Variants in EVA1C observed in about 807,000 individuals in gnomAD.
The protein encoded by EVA1C is eva-1 homolog C, also known as protein eva-1 homolog C.
A neutral mutation model predicts 45.4 loss-of-function variants in EVA1C; 25 were observed. The ratio of observed to expected loss-of-function variants is 0.55; its 90% CI spans 0.40 to 0.77. The LOEUF (loss-of-function observed/expected upper bound fraction) is 0.77. Ranked by LOEUF, EVA1C falls within the 30% of genes least tolerant of loss-of-function variation. The pLI is 0.00. For synonymous variants in EVA1C, 190 were observed against 221.2 expected (o/e 0.86, Z 1.25); for missense variants, 479 against 554.8 (o/e 0.86, Z 1.37).
At chr21:32,492,442 T>G (rs2037194813) in intron 4 of EVA1C, among the ~76,000 whole-genome samples, 1 of 152,008 alleles carries the variant, frequency 6.6e-6, no homozygotes, top group South Asian at 2.1e-4. Flanking sequence ...AAAGCATAAG[T>G]CTGGAGAGAG....
chr21:32,415,748 A>G (rs2034012248), intron 1 of EVA1C, among the ~76,000 whole-genome samples: 2 of 152,076 alleles, frequency 1.3e-5, no homozygotes, highest in South Asian at 4.2e-4. Flanking sequence ...TCTCATCTCC[A>G]AAGATTTTGA....
chr21:32,471,289 G>A (rs997090331), intron 4 of EVA1C, among the ~76,000 whole-genome samples: 1 of 151,244 alleles, frequency 6.6e-6, no homozygotes, highest in African/African-American at 2.4e-5. Context: ...TCTTCTTTAC[G>A]GGCTCTGTGT....
intron 7 of EVA1C, among the ~76,000 whole-genome samples, chr21:32,509,937 G>A (rs1305034325): frequency 2.6e-5 from 4 of 151,986 alleles, no homozygotes; most frequent in African/African-American, 4.8e-5. Context: ...GAAGTTCTCG[G>A]GAGTTGAACT....
At chr21:32,467,982 C>T (rs1044564220) in intron 4 of EVA1C, 134 bp downstream of exon 4, 39 of 514,556 alleles carry the variant, frequency 7.6e-5, no homozygotes, top group South Asian at 1.9e-4. Context: ...ATCTTGTGAT[C>T]GTGTAAGTTA....
chr21:32,421,665 A>C (rs2146115069), intron 1 of EVA1C, among the ~76,000 whole-genome samples: 1 of 152,296 alleles, frequency 6.6e-6, no homozygotes. Flanking sequence ...TATAGCTAAA[A>C]TGCTGCTGAT....
At chr21:32,490,457 G>A (rs565726873) in intron 4 of EVA1C, among the ~76,000 whole-genome samples, 1 of 152,214 alleles carries the variant, frequency 6.6e-6, no homozygotes, top group East Asian at 1.9e-4. Flanking sequence ...AGCAGGCAGG[G>A]AGTGATGAGA....
At chr21:32,435,490 A>T (rs372956972) in intron 1 of EVA1C, among the ~76,000 whole-genome samples, 34 of 152,286 alleles carry the variant, frequency 2.2e-4, no homozygotes, top group Middle Eastern at 6.8e-3. Context: ...AGGATGCCCC[A>T]TGGCCACTGC....
chr21:32,506,404 A>C (rs1485511338), intron 7 of EVA1C, among the ~76,000 whole-genome samples: 1 of 151,376 alleles, frequency 6.6e-6, no homozygotes, highest in Non-Finnish European at 1.5e-5. Flanking sequence ...AAATGTAAGG[A>C]CTTGATGAGC....
chr21:32,429,479 G>C (rs1193434807), intron 1 of EVA1C, among the ~76,000 whole-genome samples: 1 of 151,342 alleles, frequency 6.6e-6, no homozygotes, highest in Non-Finnish European at 1.5e-5. Context: ...TCAGCCTCCT[G>C]AGTAGCTGGG....
chr21:32,482,421 G>T (rs2036819664), intron 4 of EVA1C, among the ~76,000 whole-genome samples: 1 of 152,156 alleles, frequency 6.6e-6, no homozygotes, highest in Non-Finnish European at 1.5e-5. Context: ...AAACAGTAGT[G>T]AGCTCACCCT....
At chr21:32,437,594 C>T (rs1325183340) in intron 1 of EVA1C, among the ~76,000 whole-genome samples, 2 of 152,222 alleles carry the variant, frequency 1.3e-5, no homozygotes, top group Non-Finnish European at 2.9e-5. Flanking sequence ...ACCCTGCAAT[C>T]GAGCTCTGCT....
At chr21:32,496,734 A>ACT in intron 5 of EVA1C, 1 of 615,080 alleles carries the variant, frequency 1.6e-6, no homozygotes, top group East Asian at 2.7e-5. Flanking sequence ...TTAGCCTCCA[A>ACT]ATAAGGTGTA....
At chr21:32,468,387 C>CAAAAAAA (rs140254891) in intron 4 of EVA1C, among the ~76,000 whole-genome samples, 1 of 143,798 alleles carries the variant, frequency 7.0e-6, no homozygotes, top group Non-Finnish European at 1.5e-5. Flanking sequence ...AACAAACAAA[C>CAAAAAAA]AAACAAAAAA....
At chr21:32,512,304 A>G (rs2146479022) in intron 7 of EVA1C, among the ~76,000 whole-genome samples, 1 of 152,304 alleles carries the variant, frequency 6.6e-6, no homozygotes, top group East Asian at 1.9e-4. Context: ...AATGAAGAGA[A>G]TGTCTCATGT....
chr21:32,432,301 G>A lies in EVA1C; in HGVS notation c.160+19288G>A, dbSNP rs12106296. On this transcript the variant is annotated intron_variant, in intron 1 of 7. Coordinates refer to ENST00000300255, the MANE Select transcript of EVA1C (RefSeq NM_058187.5). ...TTCATTGCTTTATATTGCAGAAGCC[G>A]TCATCAGCCATACTTGCTCTGATTA... Among the ~76,000 whole-genome samples the A allele has an allele frequency of 9.8e-3, 1,472 of 150,374 alleles. 26 individuals carry two copies. Among genetic ancestry groups the A allele is most frequent in the African/African-American group, 0.034 (1,374 of 40,776 alleles).
chr21:32,412,670 C>T, upstream of EVA1C: 1 of 459,432 alleles, frequency 2.2e-6, no homozygotes, highest in East Asian at 3.7e-5. Context: ...CCGCCCCCTC[C>T]CCTTTGCTGG....
chr21:32,469,684 A>G (rs1336934458), intron 4 of EVA1C, among the ~76,000 whole-genome samples: 1 of 152,170 alleles, frequency 6.6e-6, no homozygotes, highest in African/African-American at 2.4e-5. Flanking sequence ...CCCAGGAAAG[A>G]GTTGAGGCTG....
intron 4 of EVA1C, among the ~76,000 whole-genome samples, chr21:32,478,318 A>G (rs2036658486): frequency 6.6e-6 from 1 of 152,036 alleles, no homozygotes; most frequent in South Asian, 2.1e-4. Context: ...TCCCAGGTTC[A>G]AGCAATTCTC....
At position 32,509,002 on chromosome 21, in the gene EVA1C, C is replaced by T. The variant is rs547778326; in HGVS notation, c.949+4987C>T. On this transcript the variant is annotated intron_variant, in intron 7 of 7. Coordinates refer to ENST00000300255, the MANE Select transcript of EVA1C (RefSeq NM_058187.5). The stretch of plus-strand genomic sequence containing the variant: ...CAATCACAAGGAAAACTTTGTTTTT[C>T]CAGAATACGGAATAGGAAAAGGAGC... 3.9e-5 allele frequency among the ~76,000 whole-genome samples: 6 copies of T among 152,284 alleles called. No homozygotes were observed. The South Asian group carries it at 1.2e-3, about 32-fold the overall frequency.
Sources: allele counts gnomAD v4.1 joint callset (sites outside exome capture counted in the v4.1 genomes callset), GRCh38; gene constraint gnomAD v4.1.1; transcripts MANE v1.5; gene names NCBI Gene and HGNC (gene_info 2026-07-23, HGNC 2026-07-21).